Variants in DSG3 observed in about 807,000 individuals in gnomAD.
The protein encoded by DSG3 is desmoglein 3, also known as desmoglein-3.
DSG3 carries 63 observed loss-of-function variants against 85.9 expected under a neutral mutation model. The ratio of observed to expected loss-of-function variants is 0.73; its 90% CI spans 0.60 to 0.90. The LOEUF (loss-of-function observed/expected upper bound fraction) is 0.90. DSG3 is among the 40% of genes least tolerant of loss of function. The pLI is 0.00. For synonymous variants in DSG3, 447 were observed against 441.9 expected, an observed-to-expected ratio of 1.01 and a Z score of -0.14; for missense variants, 1,220 against 1,219.9, an observed-to-expected ratio of 1.00 and a Z score of 0.00.
intron 1 of DSG3, among the ~76,000 whole-genome samples, chr18:31,453,004 C>G (rs2072720700): frequency 6.6e-6 from 1 of 151,852 alleles, no homozygotes; most frequent in Non-Finnish European, 1.5e-5. Context: ...AAATAATTTC[C>G]AAGTAATCAG....
chr18:31,463,282 T>C (rs1377078190), intron 8 of DSG3, among the ~76,000 whole-genome samples: 2 of 152,218 alleles, frequency 1.3e-5, no homozygotes, highest in Non-Finnish European at 2.9e-5. Context: ...TAGTTCCATG[T>C]TTAGACATCT....
At position 31,450,949 on chromosome 18, in the gene DSG3, G is replaced by A. The variant is rs191853201; in HGVS notation, c.48+3024G>A. Among the ~76,000 whole-genome samples, 143 of 152,202 alleles carry A rather than the reference G, an allele frequency of 9.4e-4. 1 individual carries two copies. Among genetic ancestry groups the A allele is most frequent in the Admixed American group, 8.7e-3 (133 of 15,286 alleles). On this transcript the variant is annotated intron_variant, in intron 1 of 15. Transcript: ENST00000257189. ...ACCAGTGTTAGTAAGTCAAGAAAGG[G>A]CCTGCATTTGTCTTGAGCTAAAAAG...
intron 5 of DSG3, 33 bp downstream of exon 5, chr18:31,459,210 T>C: frequency 6.3e-7 from 1 of 1,580,208 alleles, no homozygotes; most frequent in Non-Finnish European, 8.6e-7. Context: ...CACTTTCAGT[T>C]TATCTACTTT....
rs1485910809 is a variant in DSG3 at position 31,472,797 on chromosome 18, A to G, written c.2101+9A>G. Reference sequence around the variant, plus strand: ...TTTCATGGAAAGTTCTGGTAAGTGGACATAAAATGTTTGAAAGCAATGGTG... The same window carrying G: ...TTTCATGGAAAGTTCTGGTAAGTGGGCATAAAATGTTTGAAAGCAATGGTG... On this transcript the variant is annotated intron_variant, in intron 14 of 15. Coordinates refer to ENST00000257189, the MANE Select transcript of DSG3 (RefSeq NM_001944.3). 2 of 1,613,384 alleles carry G rather than the reference A, an allele frequency of 1.2e-6. No individual in the cohort carries two copies. The highest frequency in any genetic ancestry group is 2.2e-5 in the South Asian group (2 of 91,042).
chr18:31,467,271 G>A lies in DSG3; in HGVS notation c.1636+517G>A, dbSNP rs181425658. Among the ~76,000 whole-genome samples the A allele has an allele frequency of 3.3e-5, 5 of 152,236 alleles. No homozygotes were observed. The South Asian group carries it at 8.3e-4, about 25-fold the overall frequency. On this transcript the variant is annotated intron_variant, in intron 11 of 15. Transcript: ENST00000257189. ...CAGGAGAATCACTTGAACCCAGGAG[G>A]TGGAGGTTGCAGTGAGCCAAGATCC...
chr18:31,467,603 A>C (rs190078716), intron 11 of DSG3, among the ~76,000 whole-genome samples: 3 of 152,138 alleles, frequency 2.0e-5, no homozygotes, highest in Non-Finnish European at 4.4e-5. Flanking sequence ...TATCATACTC[A>C]TTGTACATTG....
chr18:31,456,549 A>G (rs1463877275), intron 2 of DSG3, 74 bp downstream of exon 2: 16 of 778,264 alleles, frequency 2.1e-5, no homozygotes, highest in Non-Finnish European at 2.9e-5. Context: ...TGTTTAGTAG[A>G]AATGAATATT....
rs1304016171 is a variant in DSG3, at chr18:31,459,929, A to G, written c.602A>G (p.Gln201Arg). Residue 201 changes from glutamine (Q) to arginine (R), a missense_variant, in exon 6 of 16, where the codon CAG becomes CGG. Coordinates refer to ENST00000257189, the MANE Select transcript of DSG3 (RefSeq NM_001944.3). Reference sequence around the variant, plus strand: ...AAAATTGCCTTCAAAATTGTCTCTCAGGAACCAGCAGGCACACCCATGTTC... The same window carrying G: ...AAAATTGCCTTCAAAATTGTCTCTCGGGAACCAGCAGGCACACCCATGTTC... ...NSKIAFKIVS[Q>R]EPAGTPMFLL... 1 of 1,614,146 alleles carries G rather than the reference A, an allele frequency of 6.2e-7. No individual in the cohort carries two copies. Among genetic ancestry groups the G allele is most frequent in the Admixed American group, 1.7e-5 (1 of 60,018 alleles).
chr18:31,456,483 A>G lies in DSG3; in HGVS notation c.84+8A>G. Reference sequence around the variant, plus strand: ...GGAGAATTGCGAATAGAGGTAAAGTATGAAAAAGGTTTTTGTACTTAAAAT... The same window carrying G: ...GGAGAATTGCGAATAGAGGTAAAGTGTGAAAAAGGTTTTTGTACTTAAAAT... On this transcript the variant is annotated splice_region_variant and intron_variant, in intron 2 of 15. Coordinates refer to ENST00000257189, the MANE Select transcript of DSG3 (RefSeq NM_001944.3). 1 of 1,325,618 alleles carries G rather than the reference A, an allele frequency of 7.5e-7. No homozygotes were observed. The highest frequency in any genetic ancestry group is 2.8e-5 in the East Asian group (1 of 35,922). 82.1% of individuals were successfully genotyped at this position (1,325,618 alleles called of 1,614,324 possible). A position where few individuals can be genotyped will look rare whatever the true frequency, so the allele number is the denominator to read the frequency against.
intron 10 of DSG3, among the ~76,000 whole-genome samples, chr18:31,466,283 T>C (rs1428771969): frequency 6.6e-6 from 1 of 152,220 alleles, no homozygotes; most frequent in African/African-American, 2.4e-5. Flanking sequence ...TTACTGGTCT[T>C]GGGTTCGAGC....
At chr18:31,453,239 A>G (rs972018804) in intron 1 of DSG3, among the ~76,000 whole-genome samples, 1 of 152,222 alleles carries the variant, frequency 6.6e-6, no homozygotes, top group Non-Finnish European at 1.5e-5. Context: ...GGACTGATTT[A>G]TTTGAATTAT....
At position 31,476,370 on chromosome 18, in the gene DSG3, G is replaced by C; in HGVS notation, c.*110G>C. ...TGGGCTAATAATTTGGCACTTATTA[G>C]CTTCTCTCATAAACTGATCACGATT... On this transcript the variant is annotated 3_prime_UTR_variant, in exon 16 of 16. Coordinates refer to ENST00000257189, the MANE Select transcript of DSG3 (RefSeq NM_001944.3). 7.6e-7 allele frequency: 1 copy of C among 1,313,712 alleles called. No homozygotes were observed. Among genetic ancestry groups the C allele is most frequent in the Non-Finnish European group, 1.0e-6 (1 of 960,114 alleles). The allele number at this position is 1,313,712 out of a possible 1,614,324, so 81.4% of individuals were successfully genotyped here.
rs199792976 is a variant in DSG3 at position 31,459,094 on chromosome 18, T to C, written c.434T>C (p.Val145Ala). 4.3e-6 allele frequency: 7 copies of C among 1,613,668 alleles called. No homozygotes were observed. Among genetic ancestry groups the C allele is most frequent in the South Asian group, 3.3e-5 (3 of 90,910 alleles). ...LDVEKPLILT[V>A]KILDINDNPP... ...GTAGAGAAACCACTTATACTAACGG[T>C]TAAAATTTTGGATATTAATGATAAT... The change falls in exon 5 of 16, where the codon GTT (valine) becomes GCT (alanine). Residue 145 changes from valine (V) to alanine (A), a missense_variant. Val to Ala is a moderately conservative substitution (Grantham distance 64). Coordinates refer to ENST00000257189, the MANE Select transcript of DSG3 (RefSeq NM_001944.3).
Position 31,458,518 on chromosome 18 carries a change from T to C in DSG3, c.290T>C (p.Phe97Ser), listed in dbSNP as rs1405503492. 7.4e-6 allele frequency: 12 copies of C among 1,613,982 alleles called. No individual in the cohort carries two copies. Among genetic ancestry groups the C allele is most frequent in the Non-Finnish European group, 8.5e-6 (10 of 1,179,986 alleles). Residue 97 changes from phenylalanine (F) to serine (S), a missense_variant, in exon 4 of 16, where the codon TTT becomes TCT. Physicochemically the swap from Phe to Ser is radical, Grantham distance 155 (BLOSUM62 -2). Transcript: ENST00000257189. ...GGAGTGGGAATCGATCAGCCGCCTT[T>C]TGGAATCTTTGTTGTTGACAAAAAC... is the stretch of plus-strand genomic sequence containing the variant. Reference protein sequence around the residue: ...ISGVGIDQPPFGIFVVDKNTG... With the variant: ...ISGVGIDQPPSGIFVVDKNTG...
At chr18:31,469,025 A>C in intron 11 of DSG3, 64 bp from the exon 12 acceptor site, 1 of 1,585,764 alleles carries the variant, frequency 6.3e-7, no homozygotes, top group Non-Finnish European at 8.6e-7. Flanking sequence ...CTGTTATAGC[A>C]ACACAAAATA....
At chr18:31,467,349 A>AG (rs2072828757) in intron 11 of DSG3, among the ~76,000 whole-genome samples, 1 of 152,234 alleles carries the variant, frequency 6.6e-6, no homozygotes, top group Admixed American at 6.5e-5. Flanking sequence ...TCTAAAAAAA[A>AG]AAAGTCAGGT....
intron 3 of DSG3, among the ~76,000 whole-genome samples, chr18:31,457,828 A>G (rs2072758599): frequency 6.6e-6 from 1 of 151,716 alleles, no homozygotes; most frequent in South Asian, 2.1e-4. Flanking sequence ...ACGGGGTTTC[A>G]CCATATTGGC....
At chr18:31,463,577 C>T (rs535266308) in intron 8 of DSG3, among the ~76,000 whole-genome samples, 26 of 152,214 alleles carry the variant, frequency 1.7e-4, no homozygotes, top group Non-Finnish European at 3.7e-4. Context: ...TTTGCCTTTC[C>T]CACCTAAGAA....
rs972166415 is a variant in DSG3, at chr18:31,464,757, C to T, written c.1271+375C>T. On this transcript the variant is annotated intron_variant, in intron 9 of 15. Transcript: ENST00000257189. The stretch of plus-strand genomic sequence containing the variant: ...AAAGACATATATGCCTAAAATATAA[C>T]GGCACCATGCAAAATAATTGCTATA... 1.3e-4 allele frequency among the ~76,000 whole-genome samples: 20 copies of T among 152,278 alleles called. No individual in the cohort carries two copies. The East Asian group carries it at 2.1e-3, about 16-fold the overall frequency.
Sources: allele counts gnomAD v4.1 joint callset (sites outside exome capture counted in the v4.1 genomes callset), GRCh38; gene constraint gnomAD v4.1.1; transcripts MANE v1.5; gene names NCBI Gene and HGNC (gene_info 2026-07-23, HGNC 2026-07-21).